The following NKAIN3 variants were observed in gnomAD, a reference collection of about 807,000 sequenced individuals.
NKAIN3 encodes sodium/potassium transporting ATPase interacting 3.
NKAIN3 carries 25 observed loss-of-function variants against 30.2 expected under a neutral mutation model. The ratio of observed to expected loss-of-function variants is 0.83; its 90% CI spans 0.60 to 1.16. The LOEUF is 1.16. Ranked by LOEUF, NKAIN3 falls within the 50% of genes most tolerant of loss-of-function variation. The pLI is 0.00. For synonymous variants in NKAIN3, 91 were observed against 89.6 expected, an observed-to-expected ratio of 1.02 and a Z score of -0.09; for missense variants, 225 against 254.1, an observed-to-expected ratio of 0.89 and a Z score of 0.78.
intron 1 of NKAIN3, among the ~76,000 whole-genome samples, chr8:62,393,791 G>T (rs1333594971): frequency 6.6e-6 from 1 of 152,054 alleles, no homozygotes; most frequent in Admixed American, 6.5e-5. Flanking sequence ...AGAGTTTTCA[G>T]TTCACAGACA....
At chr8:62,325,499 G>A (rs958195338) in intron 1 of NKAIN3, among the ~76,000 whole-genome samples, 2 of 152,054 alleles carry the variant, frequency 1.3e-5, no homozygotes, top group Non-Finnish European at 2.9e-5. Context: ...TAGATACCTA[G>A]CAGTGAGATT....
At chr8:62,892,925 A>G (rs1821334803) in intron 4 of NKAIN3, among the ~76,000 whole-genome samples, 1 of 152,170 alleles carries the variant, frequency 6.6e-6, no homozygotes, top group Admixed American at 6.5e-5. Flanking sequence ...GACCTAAAAA[A>G]TAAAGGGATG....
intron 3 of NKAIN3, among the ~76,000 whole-genome samples, chr8:62,670,067 A>G (rs548225824): frequency 3.3e-5 from 5 of 152,294 alleles, no homozygotes; most frequent in Non-Finnish European, 7.4e-5. Context: ...AGCAAAGACA[A>G]CACAATTAGA....
intron 4 of NKAIN3, among the ~76,000 whole-genome samples, chr8:62,747,380 C>G (rs1362215144): frequency 1.3e-5 from 2 of 152,298 alleles, no homozygotes; most frequent in East Asian, 1.9e-4. Flanking sequence ...CCACACTATT[C>G]AATGAAACAG....
At chr8:62,435,054 G>A (rs1805126366) in intron 1 of NKAIN3, among the ~76,000 whole-genome samples, 1 of 152,118 alleles carries the variant, frequency 6.6e-6, no homozygotes, top group African/African-American at 2.4e-5. Context: ...AAACAGAGGA[G>A]GACAGGAGAA....
chr8:62,691,140 A>C (rs1342170544), intron 3 of NKAIN3, among the ~76,000 whole-genome samples: 5 of 152,156 alleles, frequency 3.3e-5, no homozygotes, highest in Non-Finnish European at 7.3e-5. Flanking sequence ...TGTTTGTCTT[A>C]TGAGAAGTTC....
intron 1 of NKAIN3, among the ~76,000 whole-genome samples, chr8:62,572,524 A>G (rs1256418758): frequency 6.6e-6 from 1 of 152,180 alleles, no homozygotes; most frequent in Non-Finnish European, 1.5e-5. Flanking sequence ...CTCTACTGGT[A>G]CTAATTTACT....
rs118178581 is a variant in NKAIN3 at position 62,610,047 on chromosome 8, T to G, written c.273+20253T>G. On this transcript the variant is annotated intron_variant, in intron 3 of 6. Transcript: ENST00000623646. Reference sequence around the variant, plus strand: ...CCCACAGAGATCATGGTGGTCCAGGTAAGAAACAAAGGTGGTGGCCAGGTG... The same window carrying G: ...CCCACAGAGATCATGGTGGTCCAGGGAAGAAACAAAGGTGGTGGCCAGGTG... Among the ~76,000 whole-genome samples, 12 of 151,776 alleles carry G rather than the reference T, an allele frequency of 7.9e-5. No homozygotes were observed. The East Asian group carries it at 2.3e-3, about 30-fold the overall frequency.
chr8:62,746,896 T>C (rs760045815), intron 3 of NKAIN3, 36 bp from the exon 4 acceptor site: 5 of 1,470,042 alleles, frequency 3.4e-6, no homozygotes, highest in Non-Finnish European at 4.7e-6. Flanking sequence ...GTAATACAAT[T>C]TCCTCATTTT....
chr8:62,265,517 G>A (rs1369744827), intron 1 of NKAIN3, among the ~76,000 whole-genome samples: 1 of 152,020 alleles, frequency 6.6e-6, no homozygotes, highest in African/African-American at 2.4e-5. Context: ...CATGGCATTG[G>A]CAAAACAAAC....
At chr8:62,896,625 T>C (rs1821436851) in intron 4 of NKAIN3, among the ~76,000 whole-genome samples, 1 of 152,206 alleles carries the variant, frequency 6.6e-6, no homozygotes, top group South Asian at 2.1e-4. Context: ...TGTTGCTTTG[T>C]CCCACCATTT....
At chr8:62,757,769 G>C (rs748878010) in intron 4 of NKAIN3, among the ~76,000 whole-genome samples, 11 of 152,212 alleles carry the variant, frequency 7.2e-5, no homozygotes, top group Non-Finnish European at 1.5e-4. Flanking sequence ...CCTTTGGCTT[G>C]AGCAAAGTGT....
chr8:62,926,649 G>T (rs1465433744), intron 5 of NKAIN3, among the ~76,000 whole-genome samples: 1 of 152,234 alleles, frequency 6.6e-6, no homozygotes, highest in Admixed American at 6.5e-5. Flanking sequence ...GAGGCCCAAA[G>T]AGGCAATGTG....
intron 1 of NKAIN3, among the ~76,000 whole-genome samples, chr8:62,463,044 A>G (rs1302095032): frequency 6.6e-6 from 1 of 152,204 alleles, no homozygotes; most frequent in South Asian, 2.1e-4. Flanking sequence ...CAAATGTTAT[A>G]GCACTTCTCA....
At chr8:62,690,192 C>G (rs1256438922) in intron 3 of NKAIN3, among the ~76,000 whole-genome samples, 4 of 152,062 alleles carry the variant, frequency 2.6e-5, no homozygotes, top group African/African-American at 9.7e-5. Context: ...CCCAGCAGGG[C>G]TGTGCACCAA....
intron 4 of NKAIN3, among the ~76,000 whole-genome samples, chr8:62,795,140 T>G (rs1189066323): frequency 6.6e-6 from 1 of 152,200 alleles, no homozygotes; most frequent in Non-Finnish European, 1.5e-5. Context: ...ATTTAGCAGC[T>G]TCAAATATGT....
intron 4 of NKAIN3, among the ~76,000 whole-genome samples, chr8:62,884,552 A>C (rs1458405805): frequency 6.6e-6 from 1 of 152,142 alleles, no homozygotes; most frequent in Non-Finnish European, 1.5e-5. Flanking sequence ...CCCCTGCGTC[A>C]GCACTAAAGA....
chr8:62,806,068 G>A (rs1818269652), intron 4 of NKAIN3, among the ~76,000 whole-genome samples: 1 of 152,112 alleles, frequency 6.6e-6, no homozygotes, highest in African/African-American at 2.4e-5. Context: ...CACCATCACT[G>A]GCCATCAGAG....
Position 62,973,683 on chromosome 8 carries a change from T to C in NKAIN3, c.*8276T>C, listed in dbSNP as rs140145222. On this transcript the variant is annotated 3_prime_UTR_variant, in exon 7 of 7. Transcript: ENST00000623646. ...CCTTAGTTTAATTAGATCCCATTTG[T>C]CAATTTTGGCTTTTGTTGACATTGC... Among the ~76,000 whole-genome samples the C allele has an allele frequency of 0.021, 3,121 of 151,226 alleles. 91 individuals carry two copies. Among genetic ancestry groups the C allele is most frequent in the African/African-American group, 0.068 (2,771 of 40,484 alleles).
Sources: allele counts gnomAD v4.1 joint callset (sites outside exome capture counted in the v4.1 genomes callset), GRCh38; gene constraint gnomAD v4.1.1; transcripts MANE v1.5; gene names NCBI Gene and HGNC (gene_info 2026-07-23, HGNC 2026-07-21).